Variants in FMNL2 observed in about 807,000 individuals in gnomAD.
FMNL2 encodes formin like 2, also known as formin-like protein 2.
FMNL2 carries 51 observed loss-of-function variants against 130.2 expected under a neutral mutation model. The ratio of observed to expected loss-of-function variants is 0.39; its 90% CI spans 0.31 to 0.49. FMNL2 has a LOEUF of 0.49. FMNL2 is among the 20% of genes least tolerant of loss of function. The pLI is 0.85. For missense variants in FMNL2, 977 were observed against 1,316.2 expected, an observed-to-expected ratio of 0.74 and a Z score of 3.99; for synonymous variants, 465 against 467.1, an observed-to-expected ratio of 1.00 and a Z score of 0.06.
chr2:152,520,033 C>T (rs1692996918), intron 1 of FMNL2, among the ~76,000 whole-genome samples: 1 of 152,150 alleles, frequency 6.6e-6, no homozygotes, highest in African/African-American at 2.4e-5. Flanking sequence ...CATTAGACTT[C>T]CTCAGAAAGA....
intron 1 of FMNL2, 40 bp downstream of exon 1, chr2:152,335,760 C>A: frequency 6.9e-7 from 1 of 1,456,306 alleles, no homozygotes. Flanking sequence ...GACCCGGGGC[C>A]CCGGGCCGGG....
chr2:152,604,001 G>C (rs1030621180), intron 9 of FMNL2, among the ~76,000 whole-genome samples: 7 of 151,050 alleles, frequency 4.6e-5, no homozygotes, highest in Admixed American at 6.6e-5. Flanking sequence ...CCCATCTGGG[G>C]AGATTCTTAT....
In FMNL2 at chr2:152,413,332, T is replaced by C. The variant is rs1032661426; in HGVS notation, c.117+77612T>C. On this transcript the variant is annotated intron_variant, in intron 1 of 25. Coordinates refer to ENST00000288670, the MANE Select transcript of FMNL2 (RefSeq NM_052905.4). Reference sequence around the variant, plus strand: ...ATTTTTCATTGCATTCCTGACATGCTTAAAAAAAAAATGCTGCTACAATCT... The same window carrying C: ...ATTTTTCATTGCATTCCTGACATGCCTAAAAAAAAAATGCTGCTACAATCT... Among the ~76,000 whole-genome samples the C allele has an allele frequency of 8.5e-4, 130 of 152,106 alleles. 2 individuals are homozygous for C. Among genetic ancestry groups the C allele is most frequent in the Non-Finnish European group, 2.8e-4 (19 of 68,006 alleles).
intron 5 of FMNL2, among the ~76,000 whole-genome samples, chr2:152,559,597 A>G (rs1210129905): frequency 6.6e-6 from 1 of 152,050 alleles, no homozygotes; most frequent in Non-Finnish European, 1.5e-5. Flanking sequence ...GAGCCACCGC[A>G]CCCAACCTAG....
chr2:152,512,552 C>T (rs1267543804), intron 1 of FMNL2, among the ~76,000 whole-genome samples: 1 of 152,088 alleles, frequency 6.6e-6, no homozygotes. Flanking sequence ...TCTGGCCTTG[C>T]AATTAAATAA....
At chr2:152,451,032 A>G (rs1688613160) in intron 1 of FMNL2, among the ~76,000 whole-genome samples, 1 of 152,240 alleles carries the variant, frequency 6.6e-6, no homozygotes, top group African/African-American at 2.4e-5. Context: ...ATTTTGTTGA[A>G]TAAAACATTC....
intron 18 of FMNL2, 99 bp from the exon 19 acceptor site, chr2:152,629,557 G>A (rs1682029123): frequency 9.4e-7 from 1 of 1,064,326 alleles, no homozygotes; most frequent in Non-Finnish European, 1.4e-6. Context: ...TGCTCTAAAT[G>A]CAGGCCTGTT....
At chr2:152,413,148 T>C (rs34471014) in intron 1 of FMNL2, among the ~76,000 whole-genome samples, 17,441 of 152,132 alleles carry the variant, frequency 0.11, 1,833 homozygotes, top group African/African-American at 0.28. Context: ...GGTGGGCAGG[T>C]GGCAACAGAC....
intron 1 of FMNL2, among the ~76,000 whole-genome samples, chr2:152,346,610 A>G (rs1682137560): frequency 6.6e-6 from 1 of 151,870 alleles, no homozygotes; most frequent in South Asian, 2.1e-4. Context: ...AGTGAGCTGT[A>G]ATCATGCCAC....
intron 1 of FMNL2, among the ~76,000 whole-genome samples, chr2:152,364,594 A>G (rs1374388646): frequency 1.3e-5 from 2 of 152,194 alleles, no homozygotes; most frequent in Admixed American, 1.3e-4. Context: ...TTTCCAATAC[A>G]TTAATCTATT....
intron 9 of FMNL2, among the ~76,000 whole-genome samples, chr2:152,584,761 A>G (rs1226867127): frequency 6.6e-6 from 1 of 152,224 alleles, no homozygotes; most frequent in African/African-American, 2.4e-5. Context: ...AAAGATTTTT[A>G]TGTATGACTA....
chr2:152,590,053 A>G (rs1290781215), intron 9 of FMNL2, among the ~76,000 whole-genome samples: 1 of 146,354 alleles, frequency 6.8e-6, no homozygotes, highest in Non-Finnish European at 1.5e-5. Flanking sequence ...ACATATATAT[A>G]TATATAATTT....
intron 1 of FMNL2, among the ~76,000 whole-genome samples, chr2:152,355,014 G>A (rs1433210654): frequency 6.6e-6 from 1 of 152,154 alleles, no homozygotes; most frequent in Non-Finnish European, 1.5e-5. Context: ...TAGCATGAAA[G>A]GAAGTAATAA....
At chr2:152,557,371 A>G (rs998712289) in intron 4 of FMNL2, among the ~76,000 whole-genome samples, 2 of 152,142 alleles carry the variant, frequency 1.3e-5, no homozygotes, top group African/African-American at 4.8e-5. Flanking sequence ...TAAATGTTAT[A>G]TGTTTACAGG....
intron 7 of FMNL2, 91 bp downstream of exon 7, chr2:152,575,335 A>C: frequency 4.2e-6 from 3 of 719,712 alleles, no homozygotes; most frequent in South Asian, 4.8e-5. Flanking sequence ...GCTTGGGCGA[A>C]GGGTACAATA....
intron 1 of FMNL2, among the ~76,000 whole-genome samples, chr2:152,474,930 G>A (rs1000605633): frequency 7.2e-5 from 11 of 152,060 alleles, no homozygotes; most frequent in African/African-American, 2.4e-4. Flanking sequence ...CAAGGTTTTT[G>A]TCTTTTTGGA....
chr2:152,462,768 G>T (rs774490163), intron 1 of FMNL2, among the ~76,000 whole-genome samples: 6 of 152,174 alleles, frequency 3.9e-5, no homozygotes, highest in African/African-American at 1.4e-4. Context: ...CTTGCTGAAG[G>T]TCACATAGCT....
At chr2:152,339,642 T>A (rs963791824) in intron 1 of FMNL2, among the ~76,000 whole-genome samples, 14 of 152,210 alleles carry the variant, frequency 9.2e-5, no homozygotes, top group Non-Finnish European at 1.8e-4. Flanking sequence ...AGATTTAAAA[T>A]TATTAGGAAG....
chr2:152,497,947 C>G (rs1041515892), intron 1 of FMNL2, among the ~76,000 whole-genome samples: 1 of 152,140 alleles, frequency 6.6e-6, no homozygotes, highest in East Asian at 1.9e-4. Context: ...CCCTTATCTC[C>G]AAGAAGCTGC....
Sources: gnomAD v4.1 joint callset for allele counts (sites outside exome capture counted in the v4.1 genomes callset) on GRCh38, gnomAD v4.1.1 for gene constraint, MANE v1.5 for transcripts, NCBI Gene and HGNC (gene_info 2026-07-23, HGNC 2026-07-21) for gene names.